The following PDE10A variants were observed in gnomAD, a reference collection of about 807,000 sequenced individuals.
PDE10A encodes cAMP and cAMP-inhibited cGMP 3',5'-cyclic phosphodiesterase 10A.
In PDE10A, 39 loss-of-function variants were observed where a neutral mutation model predicts 97.7. The ratio of observed to expected loss-of-function variants is 0.40; its 90% CI spans 0.31 to 0.52. The LOEUF (loss-of-function observed/expected upper bound fraction) is 0.52, where lower values mean the gene tolerates loss of function less well. PDE10A is among the 20% of genes least tolerant of loss of function. The probability of loss-of-function intolerance (pLI) is 0.56; values close to 1 mark genes in which losing one functional copy is unlikely to be tolerated. For missense variants in PDE10A, 731 were observed against 1,047.8 expected, an observed-to-expected ratio of 0.70 and a Z score of 4.17; for synonymous variants, 371 against 376.8, an observed-to-expected ratio of 0.98 and a Z score of 0.18.
In PDE10A at chr6:165,721,864, A is replaced by G. The variant is rs367882141; in HGVS notation, c.-614-178296T>C. Among the ~76,000 whole-genome samples, 7 of 152,338 alleles carry G rather than the reference A, an allele frequency of 4.6e-5. No individual in the cohort carries two copies. In the East Asian group the frequency reaches 1.3e-3, roughly 29 times the overall value. ...ACTGATATATAAATGAAGAGACGCT[A>G]AGACGGATAAGGTTCCTAAAGCTCC... On this transcript the variant is annotated intron_variant, in intron 1 of 19. Transcript: ENST00000366882.
intron 1 of PDE10A, among the ~76,000 whole-genome samples, chr6:165,554,366 A>G (rs1318864787): frequency 2.6e-5 from 4 of 152,170 alleles, no homozygotes; most frequent in Non-Finnish European, 5.9e-5. Context: ...TTAAATAGAC[A>G]TTTCTCAAAA....
At position 165,707,625 on chromosome 6, in the gene PDE10A, T is replaced by A. The variant is rs1428608153; in HGVS notation, c.-614-164057A>T. 2.0e-5 allele frequency among the ~76,000 whole-genome samples: 3 copies of A among 151,958 alleles called. No individual in the cohort carries two copies. In the East Asian group the frequency reaches 5.8e-4, roughly 29 times the overall value. On this transcript the variant is annotated intron_variant, in intron 1 of 19. Coordinates refer to the PDE10A transcript ENST00000366882. ...GACAGTGTGTGTGCATGTGTGAGCA[T>A]GTGTTGTGTGTGTGCGCATGTTTGG...
At chr6:165,771,320 G>A (rs1165334181) in intron 1 of PDE10A, among the ~76,000 whole-genome samples, 1 of 152,180 alleles carries the variant, frequency 6.6e-6, no homozygotes. Flanking sequence ...TAATGACACA[G>A]GGTATCAACC....
intron 1 of PDE10A, among the ~76,000 whole-genome samples, chr6:165,885,862 A>G (rs547486012): frequency 1.3e-5 from 2 of 152,378 alleles, no homozygotes; most frequent in East Asian, 1.9e-4. Context: ...GAAGACAGAA[A>G]GTCTCAATAA....
At chr6:165,540,139 G>A (rs1301989649) in intron 2 of PDE10A, among the ~76,000 whole-genome samples, 1 of 152,096 alleles carries the variant, frequency 6.6e-6, no homozygotes, top group African/African-American at 2.4e-5. Context: ...TTACTATGAT[G>A]CACGCAGTTC....
chr6:165,871,430 T>C (rs1363119215), intron 1 of PDE10A, among the ~76,000 whole-genome samples: 2 of 152,138 alleles, frequency 1.3e-5, no homozygotes, highest in Non-Finnish European at 1.5e-5. Flanking sequence ...GCACTCCCGA[T>C]GTGACCTGGT....
upstream of PDE10A, among the ~76,000 whole-genome samples, chr6:165,664,231 C>T (rs962603229): frequency 3.9e-5 from 6 of 152,066 alleles, no homozygotes; most frequent in Non-Finnish European, 8.8e-5. Context: ...TCCCGGTGTG[C>T]CCCGGGTCCC....
chr6:165,706,230 A>G (rs949088132), intron 1 of PDE10A, among the ~76,000 whole-genome samples: 3 of 152,218 alleles, frequency 2.0e-5, no homozygotes, highest in Admixed American at 1.3e-4. Context: ...TGAATATTTC[A>G]GTGATGTTAC....
chr6:165,524,382 A>G (rs1046351239), intron 2 of PDE10A, among the ~76,000 whole-genome samples: 1 of 152,182 alleles, frequency 6.6e-6, no homozygotes, highest in South Asian at 2.1e-4. Flanking sequence ...TTCTACTTCT[A>G]ACAATATGGA....
At chr6:165,982,122 T>C (rs891640526) in intron 1 of PDE10A, among the ~76,000 whole-genome samples, 1 of 152,242 alleles carries the variant, frequency 6.6e-6, no homozygotes, top group East Asian at 1.9e-4. Flanking sequence ...ATGTGGTTAT[T>C]GAAAACCATA....
At chr6:165,899,396 C>T (rs1017088593) in intron 1 of PDE10A, among the ~76,000 whole-genome samples, 2 of 152,142 alleles carry the variant, frequency 1.3e-5, no homozygotes, top group Non-Finnish European at 2.9e-5. Flanking sequence ...ATTCAGCCAT[C>T]GTTTTCACAT....
At chr6:165,712,358 C>G (rs1791915986) in intron 1 of PDE10A, among the ~76,000 whole-genome samples, 2 of 152,182 alleles carry the variant, frequency 1.3e-5, no homozygotes, top group Non-Finnish European at 2.9e-5. Flanking sequence ...GCCTGCTCCC[C>G]TCCTGATGTG....
At chr6:165,342,327 T>C (rs1782022006) in intron 19 of PDE10A, among the ~76,000 whole-genome samples, 1 of 152,244 alleles carries the variant, frequency 6.6e-6, no homozygotes, top group South Asian at 2.1e-4. Flanking sequence ...AACTGTGCAT[T>C]GAAATCAATC....
At chr6:165,412,286 C>T (rs1487880533) in intron 13 of PDE10A, among the ~76,000 whole-genome samples, 1 of 152,020 alleles carries the variant, frequency 6.6e-6, no homozygotes, top group African/African-American at 2.4e-5. Flanking sequence ...ATTTTCCCAT[C>T]CTAAGATCTT....
intron 21 of PDE10A, among the ~76,000 whole-genome samples, chr6:165,335,604 C>T (rs1395024819): frequency 6.6e-6 from 1 of 152,148 alleles, no homozygotes; most frequent in Non-Finnish European, 1.5e-5. Context: ...TGGCCAAGGG[C>T]TTCTATCCCA....
intron 2 of PDE10A, among the ~76,000 whole-genome samples, chr6:165,485,041 A>T (rs999133954): frequency 3.3e-5 from 5 of 152,234 alleles, no homozygotes; most frequent in Non-Finnish European, 7.3e-5. Context: ...AACAAGTCCT[A>T]CTTAAATTAT....
intron 1 of PDE10A, among the ~76,000 whole-genome samples, chr6:165,739,153 G>A (rs1447973893): frequency 6.6e-6 from 1 of 152,114 alleles, no homozygotes; most frequent in East Asian, 1.9e-4. Context: ...AAATTCATAT[G>A]GAATCACAGG....
chr6:165,669,854 G>A (rs1033556719), intron 1 of PDE10A, among the ~76,000 whole-genome samples: 2 of 152,178 alleles, frequency 1.3e-5, no homozygotes, highest in African/African-American at 4.8e-5. Context: ...GAGAACCTCA[G>A]GCTGAAAGAC....
intron 1 of PDE10A, among the ~76,000 whole-genome samples, chr6:165,855,696 G>A (rs1780712021): frequency 2.0e-5 from 3 of 152,032 alleles, no homozygotes; most frequent in African/African-American, 4.8e-5. Context: ...AATCCCTTAA[G>A]TGGTGGCCAT....
Sources: allele counts gnomAD v4.1 joint callset (sites outside exome capture counted in the v4.1 genomes callset), GRCh38; gene constraint gnomAD v4.1.1; transcripts MANE v1.5; gene names NCBI Gene and HGNC (gene_info 2026-07-23, HGNC 2026-07-21).